CHORDC1: variants seen among roughly 807,000 people sequenced by gnomAD.
CHORDC1 encodes the protein cysteine and histidine-rich domain-containing protein 1.
In CHORDC1, 25 loss-of-function variants were observed where a neutral mutation model predicts 48.3. The observed-to-expected ratio is 0.52, with a 90% confidence interval of 0.38 to 0.72. The LOEUF is 0.72. Ranked by LOEUF, CHORDC1 falls within the 30% of genes least tolerant of loss-of-function variation. The pLI is 0.00. For synonymous variants in CHORDC1, 128 were observed against 126.4 expected, an observed-to-expected ratio of 1.01 and a Z score of -0.09; for missense variants, 317 against 388.7, an observed-to-expected ratio of 0.82 and a Z score of 1.55.
chr11:90,205,857 T>C, intron 7 of CHORDC1: 1 of 447,438 alleles, frequency 2.2e-6, no homozygotes, highest in Non-Finnish European at 3.9e-6. Context: ...TAATGTTGTC[T>C]TAGTGCCCCA....
chr11:90,213,930 T>C, intron 4 of CHORDC1, 88 bp downstream of exon 4: 1 of 1,140,296 alleles, frequency 8.8e-7, no homozygotes, highest in Non-Finnish European at 1.2e-6. Context: ...TAGCTACAAA[T>C]GGTATCATGC....
rs1373435864 is a variant in CHORDC1 at position 90,223,039 on chromosome 11, G to C, written c.-85C>G. On this transcript the variant is annotated 5_prime_UTR_variant, in exon 1 of 11. Transcript: ENST00000320585. ...TGCCACTCCCGTGTCGCTAGCACCGGTCTGACGACTGAGGCGGCTACCGGC... is the reference window on the plus strand; with the variant it reads ...TGCCACTCCCGTGTCGCTAGCACCGCTCTGACGACTGAGGCGGCTACCGGC... 2.7e-5 allele frequency: 32 copies of C among 1,183,594 alleles called. 1 individual carries two copies. In the Admixed American group the frequency reaches 6.2e-4, roughly 23 times the overall value. 73.3% of individuals were successfully genotyped at this position (1,183,594 alleles called of 1,614,324 possible). A position where few individuals can be genotyped will look rare whatever the true frequency, so the allele number is the denominator to read the frequency against.
intron 6 of CHORDC1, chr11:90,207,581 T>A (rs1056077151): frequency 6.6e-6 from 1 of 151,718 alleles, no homozygotes; most frequent in African/African-American, 2.4e-5. Flanking sequence ...ACAGCTAAAA[T>A]ATATAAAGAA....
At chr11:90,216,911 G>A (rs1858026698) in intron 2 of CHORDC1, among the ~76,000 whole-genome samples, 1 of 152,184 alleles carries the variant, frequency 6.6e-6, no homozygotes, top group South Asian at 2.1e-4. Context: ...ACCTTTAAGA[G>A]CTAAGAGGAA....
Position 90,215,241 on chromosome 11 carries a change from CAAGAG to C in CHORDC1, c.115-16_115-12del. The C allele has an allele frequency of 6.5e-7, 1 of 1,538,216 alleles. No homozygotes were observed. The highest frequency in any genetic ancestry group is 8.8e-7 in the Non-Finnish European group (1 of 1,137,148). On this transcript the variant is annotated splice_polypyrimidine_tract_variant and intron_variant, in intron 2 of 10. Transcript: ENST00000320585. ...ACAGCAAGACCAACCCTATGAAAAA[CAAGAG>C]AAGGAAACTAAAAACTCTATTTGCA...
chr11:90,215,551 A>G (rs889567414), intron 2 of CHORDC1, among the ~76,000 whole-genome samples: 2 of 151,994 alleles, frequency 1.3e-5, no homozygotes, highest in African/African-American at 4.8e-5. Flanking sequence ...TATAATTCCT[A>G]AAACTATCAT....
chr11:90,211,575 T>A (rs2135042728), intron 4 of CHORDC1: 1 of 309,986 alleles, frequency 3.2e-6, no homozygotes, highest in Admixed American at 5.3e-5. Flanking sequence ...TATTAATCAG[T>A]TGCACTAACG....
chr11:90,206,774 G>A (rs1439976109), intron 6 of CHORDC1: 1 of 1,288,040 alleles, frequency 7.8e-7, no homozygotes, highest in East Asian at 5.6e-5. Flanking sequence ...GGTTTGTCTG[G>A]AAGATCCGGG....
chr11:90,217,155 C>T (rs532936110), intron 2 of CHORDC1, among the ~76,000 whole-genome samples: 10 of 152,294 alleles, frequency 6.6e-5, no homozygotes, highest in Admixed American at 6.5e-4. Flanking sequence ...CAGACTAATA[C>T]ATCTTTTGTT....
chr11:90,220,823 T>C (rs190520476), intron 1 of CHORDC1, among the ~76,000 whole-genome samples: 41 of 152,274 alleles, frequency 2.7e-4, no homozygotes, highest in Non-Finnish European at 3.1e-4. Flanking sequence ...CCTGGCTAAA[T>C]TTCTCACTGA....
At chr11:90,203,915 C>A (rs1157787446) in intron 8 of CHORDC1, among the ~76,000 whole-genome samples, 2 of 152,040 alleles carry the variant, frequency 1.3e-5, no homozygotes, top group Admixed American at 1.3e-4. Context: ...ACTTTCTTCC[C>A]ATTTTAATAA....
At chr11:90,209,836 C>T (rs1857810996) in intron 6 of CHORDC1, among the ~76,000 whole-genome samples, 1 of 152,146 alleles carries the variant, frequency 6.6e-6, no homozygotes, top group African/African-American at 2.4e-5. Flanking sequence ...ATGTATTTAC[C>T]ATTCACCAGT....
Position 90,203,308 on chromosome 11 carries a change from C to G in CHORDC1, c.789G>C (p.Leu263Phe), listed in dbSNP as rs1379811725. 6.3e-7 allele frequency: 1 copy of G among 1,583,614 alleles called. No homozygotes were observed. The highest frequency in any genetic ancestry group is 8.6e-7 in the Non-Finnish European group (1 of 1,159,552). The change falls in exon 9 of 11, where the codon TTG becomes TTC. Residue 263 changes from leucine to phenylalanine, a missense_variant and splice_region_variant. By Grantham distance (22) the Leu-to-Phe change is conservative. Coordinates refer to ENST00000320585, the MANE Select transcript of CHORDC1 (RefSeq NM_012124.3). ...ELSRVEANST[L>F]LNVHIVFEGE... The stretch of plus-strand genomic sequence containing the variant: ...ACCCAAAATTATAAGATGTACTTAC[C>G]AATGTGCTATTTGCTTCTACTCGGC...
chr11:90,214,203 G>T, intron 3 of CHORDC1, 28 bp from the exon 4 acceptor site: 2 of 1,504,554 alleles, frequency 1.3e-6, no homozygotes, highest in South Asian at 1.3e-5. Flanking sequence ...TTCATTAAGA[G>T]CTATCTATTT....
At chr11:90,208,225 G>A (rs574568919) in intron 6 of CHORDC1, 1 of 152,272 alleles carries the variant, frequency 6.6e-6, no homozygotes, top group Non-Finnish European at 1.5e-5. Context: ...TGAGGTTCAG[G>A]AGTTTGAGAC....
At chr11:90,222,329 A>T (rs926832678) in intron 1 of CHORDC1, among the ~76,000 whole-genome samples, 2 of 152,256 alleles carry the variant, frequency 1.3e-5, no homozygotes, top group Non-Finnish European at 2.9e-5. Flanking sequence ...CTATCAAAAC[A>T]GCGTGAAGAT....
chr11:90,207,048 C>A (rs1348174719), intron 6 of CHORDC1: 2 of 294,744 alleles, frequency 6.8e-6, no homozygotes, highest in South Asian at 3.2e-5. Flanking sequence ...ACAGTCCATT[C>A]TTTTCCCCAT....
chr11:90,205,645 A>T (rs1009972050), intron 7 of CHORDC1, 80 bp from the exon 8 acceptor site: 2 of 867,710 alleles, frequency 2.3e-6, no homozygotes, highest in South Asian at 3.2e-5. Context: ...GATAAATCTG[A>T]TTTTTAATAA....
chr11:90,214,386 C>T (rs1443895397), intron 3 of CHORDC1, among the ~76,000 whole-genome samples: 1 of 152,050 alleles, frequency 6.6e-6, no homozygotes, highest in African/African-American at 2.4e-5. Context: ...TTGAATTACA[C>T]TTCATAAACA....
Sources: gnomAD v4.1 joint callset for allele counts (sites outside exome capture counted in the v4.1 genomes callset) on GRCh38, gnomAD v4.1.1 for gene constraint, MANE v1.5 for transcripts, NCBI Gene and HGNC (gene_info 2026-07-23, HGNC 2026-07-21) for gene names.